Variants in SDK1 observed in about 807,000 individuals in gnomAD.
SDK1 encodes the protein sidekick cell adhesion molecule 1, also known as protein sidekick-1.
SDK1 carries 157 observed loss-of-function variants against 245.5 expected under a neutral mutation model. The ratio of observed to expected loss-of-function variants is 0.64; its 90% CI spans 0.56 to 0.73. The LOEUF is 0.73. SDK1 is among the 30% of genes least tolerant of loss of function. The pLI, the probability that SDK1 is intolerant of heterozygous loss-of-function variation, is 0.00. For missense variants in SDK1, 3,583 were observed against 3,002.3 expected (o/e 1.19, Z -4.52); for synonymous variants, 1,647 against 1,278.5 (o/e 1.29, Z -6.15).
intron 1 of SDK1, among the ~76,000 whole-genome samples, chr7:3,397,480 TCC>T (rs149809048): frequency 6.7e-4 from 100 of 150,176 alleles, no homozygotes; most frequent in African/African-American, 2.3e-3. Flanking sequence ...GTCTTTTCTT[TCC>T]CCCCCCCAGC....
intron 22 of SDK1, among the ~76,000 whole-genome samples, chr7:4,093,126 C>T (rs1490361531): frequency 1.3e-5 from 2 of 151,876 alleles, no homozygotes; most frequent in African/African-American, 2.4e-5. Flanking sequence ...AAAAAAAAAG[C>T]AGCAGCTTTT....
chr7:4,124,938 A>G (rs1332478045), intron 25 of SDK1, among the ~76,000 whole-genome samples: 3 of 133,518 alleles, frequency 2.2e-5, no homozygotes, highest in Non-Finnish European at 3.2e-5. Flanking sequence ...ATGGATGGAT[A>G]GATGGATGGA....
intron 4 of SDK1, among the ~76,000 whole-genome samples, chr7:3,793,596 T>A (rs1778875453): frequency 6.6e-6 from 1 of 152,206 alleles, no homozygotes; most frequent in African/African-American, 2.4e-5. Context: ...ATTCTATAGC[T>A]GTTGTCAGCA....
At chr7:3,590,936 C>A (rs1342613097) in intron 1 of SDK1, among the ~76,000 whole-genome samples, 2 of 152,102 alleles carry the variant, frequency 1.3e-5, no homozygotes, top group African/African-American at 4.8e-5. Context: ...GCATGTGCCA[C>A]CACACGTGGC....
rs745477076 is a variant in SDK1, at chr7:4,127,397, T to C, written c.3840T>C (p.Pro1280=). 4 of 1,614,158 alleles carry C rather than the reference T, an allele frequency of 2.5e-6. No individual in the cohort carries two copies. Among genetic ancestry groups the C allele is most frequent in the Non-Finnish European group, 3.4e-6 (4 of 1,179,970 alleles). Residue 1280 remains proline, a synonymous_variant, in exon 26 of 45, where the codon CCT becomes CCC. Coordinates refer to ENST00000404826, the MANE Select transcript of SDK1 (RefSeq NM_152744.4). ...TCTTTGCAGTTCCTTCAGCCGCCCC[T>C]GAGAACGTGTCAGCCGAGGCTGTCA... The part of the protein sequence containing the change: ...RTRESVPSAA[P]ENVSAEAVSS...
At chr7:3,391,689 T>A (rs1781760294) in intron 1 of SDK1, among the ~76,000 whole-genome samples, 1 of 147,076 alleles carries the variant, frequency 6.8e-6, no homozygotes, top group African/African-American at 2.5e-5. Flanking sequence ...TGGGTTAGAG[T>A]GCAGTGGCAT....
intron 5 of SDK1, among the ~76,000 whole-genome samples, chr7:3,876,794 T>C (rs1013643096): frequency 6.6e-6 from 1 of 152,122 alleles, no homozygotes; most frequent in Admixed American, 6.6e-5. Flanking sequence ...AGAGCTAAGG[T>C]AGGAGATACT....
chr7:4,233,427 C>A lies in SDK1; in HGVS notation c.5992+8C>A, dbSNP rs376944116. 1.8e-5 allele frequency: 29 copies of A among 1,609,402 alleles called. No homozygotes were observed. Among genetic ancestry groups the A allele is most frequent in the Non-Finnish European group, 2.3e-5 (27 of 1,179,080 alleles). On this transcript the variant is annotated splice_region_variant and intron_variant, in intron 41 of 44. Coordinates refer to ENST00000404826, the MANE Select transcript of SDK1 (RefSeq NM_152744.4). The stretch of plus-strand genomic sequence containing the variant: ...CCTCCACGGCTGTGTCAGGTAGGCC[C>A]TCCCAGGGAGGTCTGTCTTCTTCTG...
At chr7:3,616,163 G>A (rs1781765890) in intron 1 of SDK1, among the ~76,000 whole-genome samples, 2 of 152,114 alleles carry the variant, frequency 1.3e-5, no homozygotes, top group Non-Finnish European at 2.9e-5. Flanking sequence ...TGGGATTATA[G>A]GCATAAGCCA....
intron 1 of SDK1, among the ~76,000 whole-genome samples, chr7:3,324,601 A>T (rs570893062): frequency 6.6e-6 from 1 of 152,072 alleles, no homozygotes; most frequent in Non-Finnish European, 1.5e-5. Context: ...TAGGAAATAC[A>T]CTCCCATTGT....
intron 38 of SDK1, among the ~76,000 whole-genome samples, chr7:4,216,615 A>G (rs1055952520): frequency 2.6e-5 from 4 of 152,236 alleles, no homozygotes; most frequent in Non-Finnish European, 5.9e-5. Flanking sequence ...TCCTTGAAGT[A>G]TATTGTGATG....
At chr7:3,925,941 T>C (rs911009909) in intron 5 of SDK1, among the ~76,000 whole-genome samples, 2 of 152,232 alleles carry the variant, frequency 1.3e-5, no homozygotes, top group Non-Finnish European at 2.9e-5. Flanking sequence ...TTTTGCAATA[T>C]GTTGAACAAA....
chr7:3,872,635 A>T (rs1780985510), intron 5 of SDK1, among the ~76,000 whole-genome samples: 1 of 150,034 alleles, frequency 6.7e-6, no homozygotes, highest in Non-Finnish European at 1.5e-5. Context: ...TTCCACTCGA[A>T]TATTGTAGTT....
chr7:3,846,084 T>G (rs1451582391), intron 5 of SDK1, among the ~76,000 whole-genome samples: 1 of 152,316 alleles, frequency 6.6e-6, no homozygotes, highest in East Asian at 1.9e-4. Context: ...AGAAGGAAAG[T>G]GCGTCCCAGG....
intron 3 of SDK1, among the ~76,000 whole-genome samples, chr7:3,639,945 C>G (rs1280300927): frequency 1.3e-5 from 2 of 152,110 alleles, no homozygotes; most frequent in Non-Finnish European, 2.9e-5. Flanking sequence ...GAACTGGGCT[C>G]AAGTGATCCT....
intron 1 of SDK1, among the ~76,000 whole-genome samples, chr7:3,523,633 C>T (rs1783019470): frequency 6.6e-6 from 1 of 152,096 alleles, no homozygotes; most frequent in Admixed American, 6.6e-5. Flanking sequence ...ATTTGTGATA[C>T]CTCAATGGGC....
In SDK1 at chr7:3,918,051, C is replaced by T. The variant is rs571445792; in HGVS notation, c.848-32872C>T. On this transcript the variant is annotated intron_variant, in intron 5 of 44. Transcript: ENST00000404826. ...TTCACAGTTTTGTTGGAGTCCCCTTCTAGGTAGACAAAACAGAGGAACCTT... is the reference window on the plus strand; with the variant it reads ...TTCACAGTTTTGTTGGAGTCCCCTTTTAGGTAGACAAAACAGAGGAACCTT... 1.6e-3 allele frequency among the ~76,000 whole-genome samples: 244 copies of T among 152,306 alleles called. 1 individual carries two copies. The highest frequency in any genetic ancestry group is 2.0e-3 in the Non-Finnish European group (139 of 68,024).
intron 1 of SDK1, among the ~76,000 whole-genome samples, chr7:3,554,794 A>G (rs559087573): frequency 6.6e-6 from 1 of 152,356 alleles, no homozygotes; most frequent in Non-Finnish European, 1.5e-5. Flanking sequence ...TATGCCAAAA[A>G]CAAACAATCT....
At chr7:3,660,671 G>A (rs527805406) in intron 4 of SDK1, among the ~76,000 whole-genome samples, 122 of 152,294 alleles carry the variant, frequency 8.0e-4, no homozygotes, top group Non-Finnish European at 1.5e-3. Flanking sequence ...GAAAGTTTAG[G>A]ATCAAACAAC....
Sources: allele counts gnomAD v4.1 joint callset (sites outside exome capture counted in the v4.1 genomes callset), GRCh38; gene constraint gnomAD v4.1.1; transcripts MANE v1.5; gene names NCBI Gene and HGNC (gene_info 2026-07-23, HGNC 2026-07-21).